Variants in GNB4 observed in about 807,000 individuals in gnomAD.
GNB4 encodes the protein guanine nucleotide-binding protein subunit beta-4.
In GNB4, 28 loss-of-function variants were observed where a neutral mutation model predicts 45.2. That is an observed-to-expected ratio of 0.62 (90% CI 0.46 to 0.85). The LOEUF is 0.85. Among genes scored for constraint, GNB4 ranks in the 40% least tolerant of loss-of-function variants. The probability of loss-of-function intolerance (pLI) is 0.00; values close to 1 mark genes in which losing one functional copy is unlikely to be tolerated. For synonymous variants in GNB4, 132 were observed against 143.7 expected (o/e 0.92, Z 0.58); for missense variants, 321 against 425.4 (o/e 0.75, Z 2.16).
chr3:179,519,786 G>A, the GNB4 span, among the ~76,000 whole-genome samples: 6 of 151,950 alleles, frequency 3.9e-5, no homozygotes, highest in South Asian at 2.1e-4. Flanking sequence ...CTCGGCAACC[G>A]ATCATGCACC....
At chr3:179,420,466 A>AT (rs1714944752) in intron 3 of GNB4, among the ~76,000 whole-genome samples, 1 of 83,462 alleles carries the variant, frequency 1.2e-5, no homozygotes, top group Non-Finnish European at 2.6e-5. Context: ...ATATATATAT[A>AT]TATATTTTTT....
chr3:179,409,808 C>CAA (rs56675254), intron 8 of GNB4, among the ~76,000 whole-genome samples: 4,912 of 107,248 alleles, frequency 0.046, 180 homozygotes, highest in Middle Eastern at 0.09. Flanking sequence ...GACTCTGTCT[C>CAA]AAAAAAAAAA....
the GNB4 span, among the ~76,000 whole-genome samples, chr3:179,491,167 A>G: frequency 4.6e-5 from 7 of 152,362 alleles, no homozygotes; most frequent in African/African-American, 1.4e-4. Flanking sequence ...GAAGAACGAA[A>G]GGGACATTTT....
At chr3:179,515,525 G>A in the GNB4 span, among the ~76,000 whole-genome samples, 1 of 152,218 alleles carries the variant, frequency 6.6e-6, no homozygotes, top group African/African-American at 2.4e-5. Context: ...CTCAGTGGGG[G>A]AGCTTCTGAG....
intron 5 of GNB4, 77 bp downstream of exon 5, chr3:179,416,416 T>C: frequency 1.2e-6 from 1 of 814,042 alleles, no homozygotes; most frequent in Non-Finnish European, 2.0e-6. Context: ...AAGTTTGAGG[T>C]AAAAGAATAA....
chr3:179,514,148 C>T, the GNB4 span, among the ~76,000 whole-genome samples: 5 of 152,296 alleles, frequency 3.3e-5, no homozygotes, highest in East Asian at 9.7e-4. Context: ...AAGGAGCACA[C>T]TGTGCCATGG....
chr3:179,462,193 T>TGC, the GNB4 span, among the ~76,000 whole-genome samples: 5 of 152,046 alleles, frequency 3.3e-5, no homozygotes, highest in African/African-American at 1.2e-4. Flanking sequence ...TGTGTGTGTG[T>TGC]GCTATTCTCA....
In GNB4 at chr3:179,400,028, A is replaced by C. The variant is rs1273530132; in HGVS notation, c.*1185T>G. The C allele has an allele frequency of 6.6e-6, 1 of 152,228 alleles. No homozygotes were observed. The highest frequency in any genetic ancestry group is 1.5e-5 in the Non-Finnish European group (1 of 68,034). 9.4% of individuals were successfully genotyped at this position (152,228 alleles called of 1,614,324 possible). ...GAATTTTTATTTTGGCTTTAAGTGG[A>C]ATCACTTACATCTAGACATCCTTTG... is the stretch of plus-strand genomic sequence containing the variant. On this transcript the variant is annotated 3_prime_UTR_variant, in exon 10 of 10. Coordinates refer to ENST00000232564, the MANE Select transcript of GNB4 (RefSeq NM_021629.4).
At chr3:179,437,578 A>C (rs551180572) in intron 1 of GNB4, among the ~76,000 whole-genome samples, 1 of 152,052 alleles carries the variant, frequency 6.6e-6, no homozygotes, top group African/African-American at 2.4e-5. Flanking sequence ...AAAAACAAAA[A>C]CAGACTAAGC....
the GNB4 span, among the ~76,000 whole-genome samples, chr3:179,508,930 G>GTATATATATATATATATA: frequency 0.05 from 2,304 of 46,122 alleles, 68 homozygotes; most frequent in South Asian, 0.063. Flanking sequence ...CTTTCAGCAT[G>GTATATATATATATATATA]TGTATATATA....
At chr3:179,511,182 C>T in the GNB4 span, among the ~76,000 whole-genome samples, 1 of 152,218 alleles carries the variant, frequency 6.6e-6, no homozygotes, top group South Asian at 2.1e-4. Context: ...TGGGCCAAAT[C>T]TCACTGAACA....
In GNB4 at chr3:179,401,027, A is replaced by AG. The variant is rs1714280526; in HGVS notation, c.*185dup. The AG allele has an allele frequency of 6.0e-6, 3 of 499,778 alleles. No individual in the cohort carries two copies. The highest frequency in any genetic ancestry group is 1.1e-5 in the Non-Finnish European group (3 of 274,932). The allele number at this position is 499,778 out of a possible 1,614,324, so 31.0% of individuals were successfully genotyped here. On this transcript the variant is annotated 3_prime_UTR_variant, in exon 10 of 10. Transcript: ENST00000232564. ...ATACACTGGTCCTTTTGATCTCAGA[A>AG]GGCGCCTTTGCCTTTTTTCCTCCAC...
chr3:179,507,691 A>G, the GNB4 span, among the ~76,000 whole-genome samples: 1 of 152,012 alleles, frequency 6.6e-6, no homozygotes, highest in African/African-American at 2.4e-5. Flanking sequence ...CAGCTCAGAC[A>G]TTACCTCCTC....
chr3:179,484,086 A>G, the GNB4 span, among the ~76,000 whole-genome samples: 1 of 152,346 alleles, frequency 6.6e-6, no homozygotes, highest in East Asian at 1.9e-4. Context: ...AAATTTATAA[A>G]GTACACATTT....
At chr3:179,428,069 A>G (rs1715197684) in intron 1 of GNB4, among the ~76,000 whole-genome samples, 2 of 152,232 alleles carry the variant, frequency 1.3e-5, no homozygotes, top group Admixed American at 1.3e-4. Context: ...CGCATCAACT[A>G]TGGTACAAAT....
chr3:179,415,397 A>G (rs757108920), intron 5 of GNB4, among the ~76,000 whole-genome samples: 10 of 152,208 alleles, frequency 6.6e-5, no homozygotes, highest in Non-Finnish European at 1.3e-4. Context: ...CACTTTTGTA[A>G]TAGTGCTCAG....
chr3:179,504,917 A>T, the GNB4 span, among the ~76,000 whole-genome samples: 241 of 152,294 alleles, frequency 1.6e-3, 1 homozygote, highest in African/African-American at 5.2e-3. Flanking sequence ...GGTCAGCTGG[A>T]GGATGCTTGC....
intron 1 of GNB4, among the ~76,000 whole-genome samples, chr3:179,430,071 GAGAC>G (rs3086948): frequency 0.21 from 29,416 of 142,096 alleles, 3,016 homozygotes; most frequent in Admixed American, 0.25. Flanking sequence ...GACTGAGAGA[GAGAC>G]AGACAGACAG....
the GNB4 span, chr3:179,464,276 T>C: frequency 3.5e-5 from 18 of 510,452 alleles, no homozygotes; most frequent in Middle Eastern, 5.0e-4. Context: ...CTAGGCAACA[T>C]AGAGAGACTC....
Sources: allele counts gnomAD v4.1 joint callset (sites outside exome capture counted in the v4.1 genomes callset), GRCh38; gene constraint gnomAD v4.1.1; transcripts MANE v1.5; gene names NCBI Gene and HGNC (gene_info 2026-07-23, HGNC 2026-07-21).